CDH17: variants seen among roughly 807,000 people sequenced by gnomAD.
CDH17 encodes the protein cadherin-17.
CDH17 carries 67 observed loss-of-function variants against 86.3 expected under a neutral mutation model. The observed-to-expected ratio is 0.78, with a 90% CI of 0.64 to 0.95. CDH17 has a LOEUF of 0.95. CDH17 is among the 40% of genes least tolerant of loss of function. The pLI is 0.00. For synonymous variants in CDH17, 367 were observed against 366.4 expected, an observed-to-expected ratio of 1.00 and a Z score of -0.02; for missense variants, 993 against 1,017.6, an observed-to-expected ratio of 0.98 and a Z score of 0.33.
At chr8:94,194,827 G>C (rs1586021122) in intron 1 of CDH17, 122 bp from the exon 2 acceptor site, 1 of 623,124 alleles carries the variant, frequency 1.6e-6, no homozygotes, top group South Asian at 2.1e-5. Context: ...ATCCCAAAAG[G>C]CCAGCCTCTC....
intron 1 of CDH17, among the ~76,000 whole-genome samples, chr8:94,214,142 C>T (rs75216423): frequency 0.012 from 1,871 of 152,142 alleles, 36 homozygotes; most frequent in African/African-American, 0.043. Context: ...TTTAATTCTC[C>T]AAAACATACG....
chr8:94,206,883 C>T (rs955692022), intron 1 of CDH17, among the ~76,000 whole-genome samples: 3 of 152,094 alleles, frequency 2.0e-5, no homozygotes, highest in South Asian at 2.1e-4. Context: ...CCAGCACAAG[C>T]GGTTCTCCCT....
Position 94,128,266 on chromosome 8 carries a change from A to T in CDH17, c.2473T>A (p.Ser825Thr), listed in dbSNP as rs1485902400. 3.1e-6 allele frequency: 5 copies of T among 1,613,204 alleles called. No homozygotes were observed. The highest frequency in any genetic ancestry group is 1.3e-5 in the African/African-American group (1 of 74,928). The change falls in exon 18 of 18, where the codon TCT (serine) becomes ACT (threonine). Residue 825 changes from serine to threonine, a missense_variant. Ser to Thr is a moderately conservative substitution (Grantham distance 58). Transcript: ENST00000027335. ...CAGCTTCTCAGAGGTTTGACTTCAGATGCTTGAGCACTTTCAACATTATCT... is the reference window on the plus strand; with the variant it reads ...CAGCTTCTCAGAGGTTTGACTTCAGTTGCTTGAGCACTTTCAACATTATCT... Reference protein sequence around the residue: ...GKDNVESAQASEVKPLRS With the variant: ...GKDNVESAQATEVKPLRS
At chr8:94,203,653 C>CTGACCAATTTGCACTTT (rs1813965161) in intron 1 of CDH17, among the ~76,000 whole-genome samples, 2 of 152,226 alleles carry the variant, frequency 1.3e-5, no homozygotes, top group Admixed American at 6.5e-5. Context: ...GCAGAAGCAT[C>CTGACCAATTTGCACTTT]TGACCAATTT....
At chr8:94,204,816 G>T (rs921795138) in intron 1 of CDH17, among the ~76,000 whole-genome samples, 9 of 152,142 alleles carry the variant, frequency 5.9e-5, no homozygotes, top group Non-Finnish European at 1.3e-4. Flanking sequence ...GGGGAGAAGA[G>T]GCCTCTCCTC....
chr8:94,213,841 T>G (rs1814158264), intron 1 of CDH17, among the ~76,000 whole-genome samples: 1 of 152,140 alleles, frequency 6.6e-6, no homozygotes, highest in African/African-American at 2.4e-5. Flanking sequence ...TACCCCGGCT[T>G]CCTTGCCAAT....
chr8:94,194,096 C>G (rs774958056), intron 2 of CDH17, among the ~76,000 whole-genome samples: 22 of 152,142 alleles, frequency 1.4e-4, no homozygotes, highest in Non-Finnish European at 2.8e-4. Context: ...TGAGGACTCC[C>G]CAGTTTCTAT....
chr8:94,177,903 T>C (rs1479627979), intron 3 of CDH17, among the ~76,000 whole-genome samples, 182 bp from the exon 4 acceptor site: 3 of 152,246 alleles, frequency 2.0e-5, no homozygotes, highest in South Asian at 4.1e-4. Context: ...ACATTTAACA[T>C]ACATTTTCCT....
rs111523831 is a variant in CDH17, at chr8:94,169,670, T to A, written c.1066+727A>T. On this transcript the variant is annotated intron_variant, in intron 9 of 17. Transcript: ENST00000027335. ...AACAAAACAGTTCAAGAAATGCCAG[T>A]CTGCTCAGTCAAGGGGCTCACTGCC... 5.7e-3 allele frequency among the ~76,000 whole-genome samples: 862 copies of A among 152,274 alleles called. 12 individuals are homozygous for A. The highest frequency in any genetic ancestry group is 0.019 in the African/African-American group (794 of 41,564).
intron 15 of CDH17, among the ~76,000 whole-genome samples, chr8:94,142,347 T>C (rs1414743981): frequency 6.6e-6 from 1 of 152,220 alleles, no homozygotes; most frequent in Non-Finnish European, 1.5e-5. Flanking sequence ...AACCCCTAAA[T>C]GTCCATACCT....
At position 94,152,125 on chromosome 8, in the gene CDH17, AAGAG is replaced by A. The variant is rs781002341; in HGVS notation, c.1552-17_1552-14del. The A allele has an allele frequency of 1.2e-6, 2 of 1,611,600 alleles. No homozygotes were observed. Among genetic ancestry groups the A allele is most frequent in the Non-Finnish European group, 1.7e-6 (2 of 1,178,562 alleles). On this transcript the variant is annotated splice_polypyrimidine_tract_variant and intron_variant, in intron 12 of 17. Transcript: ENST00000027335. ...CAAAATCAAGAGGCTGTGTAGGAGAAAGAGAGAAAATTAATTTTGGGGTGATTAG... is the reference window on the plus strand; with the variant it reads ...CAAAATCAAGAGGCTGTGTAGGAGAAAGAAAATTAATTTTGGGGTGATTAG...
At chr8:94,193,369 T>C (rs956576763) in intron 2 of CDH17, among the ~76,000 whole-genome samples, 3 of 152,210 alleles carry the variant, frequency 2.0e-5, no homozygotes, top group African/African-American at 4.8e-5. Flanking sequence ...CACTGAACAC[T>C]TAAAATGCTG....
intron 3 of CDH17, among the ~76,000 whole-genome samples, chr8:94,182,920 G>C (rs1285964726): frequency 6.6e-6 from 1 of 151,990 alleles, no homozygotes; most frequent in Non-Finnish European, 1.5e-5. Flanking sequence ...AAGGTTTCAG[G>C]ATAAAAGATC....
chr8:94,140,792 G>T (rs1265524889), intron 15 of CDH17, among the ~76,000 whole-genome samples: 1 of 152,068 alleles, frequency 6.6e-6, no homozygotes, highest in Non-Finnish European at 1.5e-5. Flanking sequence ...TGAAATAGAT[G>T]AATTATTTGA....
At chr8:94,187,389 G>A (rs539675799) in intron 3 of CDH17, among the ~76,000 whole-genome samples, 6 of 152,348 alleles carry the variant, frequency 3.9e-5, no homozygotes, top group Admixed American at 2.0e-4. Flanking sequence ...CACCGGAGCA[G>A]GGATGGAGTC....
At chr8:94,156,448 C>A (rs1237613992) in intron 12 of CDH17, among the ~76,000 whole-genome samples, 1 of 152,158 alleles carries the variant, frequency 6.6e-6, no homozygotes, top group African/African-American at 2.4e-5. Flanking sequence ...TATTGTTGAG[C>A]CAGGCAGGGC....
intron 12 of CDH17, among the ~76,000 whole-genome samples, chr8:94,153,163 C>T (rs777272819): frequency 6.6e-6 from 1 of 152,110 alleles, no homozygotes; most frequent in African/African-American, 2.4e-5. Context: ...GGAACTCAAA[C>T]AACTCAGTAG....
intron 12 of CDH17, among the ~76,000 whole-genome samples, chr8:94,157,775 G>A (rs1812973860): frequency 1.3e-5 from 2 of 152,126 alleles, no homozygotes; most frequent in South Asian, 4.2e-4. Flanking sequence ...AATTAGCTGG[G>A]TGTGGTGGCA....
chr8:94,198,105 T>C (rs954675717), intron 1 of CDH17, among the ~76,000 whole-genome samples: 3 of 152,080 alleles, frequency 2.0e-5, no homozygotes, highest in Non-Finnish European at 4.4e-5. Flanking sequence ...ACATAGAGCA[T>C]GGACAGAGAT....
Sources: gnomAD v4.1 joint callset for allele counts (sites outside exome capture counted in the v4.1 genomes callset) on GRCh38, gnomAD v4.1.1 for gene constraint, MANE v1.5 for transcripts, NCBI Gene and HGNC (gene_info 2026-07-23, HGNC 2026-07-21) for gene names.